PIK3AP1: variants seen among roughly 807,000 people sequenced by gnomAD.
PIK3AP1 encodes the protein phosphoinositide-3-kinase adaptor protein 1.
Under a neutral mutation model 88.1 loss-of-function variants are expected in PIK3AP1, and 21 were observed. The observed-to-expected ratio is 0.24, with a 90% CI of 0.17 to 0.34. PIK3AP1 has a LOEUF of 0.34. PIK3AP1 is among the 10% of genes least tolerant of loss of function. The pLI is 1.00. For synonymous variants in PIK3AP1, 398 were observed against 400.0 expected (o/e 1.00, Z 0.06); for missense variants, 828 against 1,035.7 (o/e 0.80, Z 2.75).
chr10:96,636,584 T>G (rs911272257), intron 8 of PIK3AP1, among the ~76,000 whole-genome samples: 1 of 152,232 alleles, frequency 6.6e-6, no homozygotes, highest in Non-Finnish European at 1.5e-5. Context: ...CATTCCTGGA[T>G]GCTCAGGGCT....
At chr10:96,629,188 G>C (rs1235930108) in intron 8 of PIK3AP1, among the ~76,000 whole-genome samples, 2 of 151,950 alleles carry the variant, frequency 1.3e-5, no homozygotes, top group Non-Finnish European at 2.9e-5. Flanking sequence ...GAGTGAAAAA[G>C]TTACAGACAG....
intron 6 of PIK3AP1, 55 bp downstream of exon 6, chr10:96,651,193 C>T: frequency 1.2e-6 from 2 of 1,607,478 alleles, no homozygotes; most frequent in Non-Finnish European, 1.7e-6. Flanking sequence ...GATGCTGAAA[C>T]CAGCAGGCTA....
At chr10:96,648,969 T>C (rs938278519) in intron 6 of PIK3AP1, 114 bp from the exon 7 acceptor site, 1 of 831,368 alleles carries the variant, frequency 1.2e-6, no homozygotes, top group African/African-American at 1.8e-5. Flanking sequence ...CACTCAGCCA[T>C]TACTTATTGA....
At chr10:96,648,994 A>G (rs896727993) in intron 6 of PIK3AP1, 139 bp from the exon 7 acceptor site, 3 of 652,922 alleles carry the variant, frequency 4.6e-6, no homozygotes, top group Middle Eastern at 2.6e-4. Context: ...CTGACCTAAC[A>G]TCTAACAGCT....
chr10:96,685,678 A>T (rs1395987082), intron 2 of PIK3AP1, among the ~76,000 whole-genome samples: 5 of 152,156 alleles, frequency 3.3e-5, no homozygotes, highest in Admixed American at 3.3e-4. Flanking sequence ...GTTCTGCAAA[A>T]CTGAATCTTA....
chr10:96,684,584 G>T (rs147519864), intron 2 of PIK3AP1, among the ~76,000 whole-genome samples: 7 of 152,324 alleles, frequency 4.6e-5, no homozygotes, highest in Middle Eastern at 3.4e-3. Flanking sequence ...CTGAGTTACT[G>T]GAGAGAGTTT....
intron 8 of PIK3AP1, among the ~76,000 whole-genome samples, chr10:96,630,858 G>C (rs1179152472): frequency 6.6e-6 from 1 of 152,020 alleles, no homozygotes; most frequent in African/African-American, 2.4e-5. Flanking sequence ...AGAAAAGAAA[G>C]ATGGGAAGGA....
At chr10:96,707,931 A>G (rs539611574) in intron 2 of PIK3AP1, among the ~76,000 whole-genome samples, 7 of 152,378 alleles carry the variant, frequency 4.6e-5, no homozygotes, top group African/African-American at 1.7e-4. Context: ...TTACATTCAC[A>G]CTAGTGATTT....
At chr10:96,644,771 A>G (rs1175634424) in intron 8 of PIK3AP1, among the ~76,000 whole-genome samples, 2 of 152,178 alleles carry the variant, frequency 1.3e-5, no homozygotes, top group African/African-American at 2.4e-5. Context: ...CCTAGAACCT[A>G]AACTGTTTCA....
intron 8 of PIK3AP1, among the ~76,000 whole-genome samples, chr10:96,637,818 G>T (rs1843333128): frequency 6.6e-6 from 1 of 152,104 alleles, no homozygotes; most frequent in Non-Finnish European, 1.5e-5. Flanking sequence ...AAGGCAAACT[G>T]GTCTCTCCCC....
Position 96,623,464 on chromosome 10 carries a change from T to A in PIK3AP1, c.1735+8A>T. 1 of 1,606,594 alleles carries A rather than the reference T, an allele frequency of 6.2e-7. No homozygotes were observed. Among genetic ancestry groups the A allele is most frequent in the Non-Finnish European group, 8.5e-7 (1 of 1,173,576 alleles). On this transcript the variant is annotated splice_region_variant and intron_variant, in intron 11 of 16. Transcript: ENST00000339364. ...ACAAAAGTTCAGTTCATATAACACA[T>A]GGCTTACCTTTCCTGATGCTCTCTG...
intron 9 of PIK3AP1, among the ~76,000 whole-genome samples, chr10:96,627,783 C>T (rs1283158083): frequency 6.6e-6 from 1 of 152,200 alleles, no homozygotes; most frequent in African/African-American, 2.4e-5. Context: ...TTGTTATGTG[C>T]ATGGTGGTGC....
intron 2 of PIK3AP1, among the ~76,000 whole-genome samples, chr10:96,679,548 A>G (rs547458609): frequency 6.6e-6 from 1 of 152,298 alleles, no homozygotes; most frequent in East Asian, 1.9e-4. Flanking sequence ...AAAATTATTA[A>G]TATCTGTGAA....
At chr10:96,695,349 A>G (rs546745465) in intron 2 of PIK3AP1, among the ~76,000 whole-genome samples, 1 of 152,328 alleles carries the variant, frequency 6.6e-6, no homozygotes, top group Non-Finnish European at 1.5e-5. Context: ...AGTTATGATG[A>G]ACGTCCTTCC....
intron 14 of PIK3AP1, among the ~76,000 whole-genome samples, chr10:96,609,235 T>G (rs1849061094): frequency 6.6e-6 from 1 of 152,216 alleles, no homozygotes; most frequent in East Asian, 1.9e-4. Flanking sequence ...TTATCATAGT[T>G]GAGGAAGCAG....
chr10:96,701,395 C>T (rs1844296415), intron 2 of PIK3AP1, among the ~76,000 whole-genome samples: 1 of 152,186 alleles, frequency 6.6e-6, no homozygotes, highest in Admixed American at 6.5e-5. Flanking sequence ...CCAGTGCTTA[C>T]CCCAATCATT....
intron 7 of PIK3AP1, among the ~76,000 whole-genome samples, chr10:96,646,639 G>C (rs1843464332): frequency 6.6e-6 from 1 of 152,108 alleles, no homozygotes; most frequent in Admixed American, 6.5e-5. Context: ...TGTTCCTTCA[G>C]CAGTCTCCTC....
chr10:96,621,733 A>C (rs950676743), intron 11 of PIK3AP1: 2 of 152,248 alleles, frequency 1.3e-5, no homozygotes, highest in Non-Finnish European at 2.9e-5. Flanking sequence ...AGAAGCAGCC[A>C]AGCCTTAATT....
chr10:96,689,340 G>A (rs1023172874), intron 2 of PIK3AP1, among the ~76,000 whole-genome samples: 48 of 151,734 alleles, frequency 3.2e-4, no homozygotes, highest in African/African-American at 1.0e-3. Flanking sequence ...CGAGGCAGGC[G>A]GATCATGAGG....
Sources: gnomAD v4.1 joint callset for allele counts (sites outside exome capture counted in the v4.1 genomes callset) on GRCh38, gnomAD v4.1.1 for gene constraint, MANE v1.5 for transcripts, NCBI Gene and HGNC (gene_info 2026-07-23, HGNC 2026-07-21) for gene names.